Variants in LRP1B observed in about 807,000 individuals in gnomAD.
LRP1B encodes the protein LDL receptor related protein 1B.
LRP1B carries 217 observed loss-of-function variants against 556.6 expected under a neutral mutation model. That is an observed-to-expected ratio of 0.39 (90% CI 0.35 to 0.44). The LOEUF (loss-of-function observed/expected upper bound fraction) is 0.44, where lower values mean the gene tolerates loss of function less well. Among genes scored for constraint, LRP1B ranks in the 20% least tolerant of loss-of-function variants. The probability of loss-of-function intolerance (pLI) is 1.00; values close to 1 mark genes in which losing one functional copy is unlikely to be tolerated. For missense variants in LRP1B, 5,053 were observed against 5,620.8 expected, an observed-to-expected ratio of 0.90 and a Z score of 3.23; for synonymous variants, 2,047 against 1,865.8, an observed-to-expected ratio of 1.10 and a Z score of -2.50.
At chr2:142,108,534 G>C (rs1438126019) in intron 1 of LRP1B, among the ~76,000 whole-genome samples, 1 of 152,130 alleles carries the variant, frequency 6.6e-6, no homozygotes, top group African/African-American at 2.4e-5. Context: ...TCCATTTTTA[G>C]AGTCTTTGCC....
chr2:140,792,737 C>T (rs1690166996), intron 32 of LRP1B, among the ~76,000 whole-genome samples: 2 of 151,980 alleles, frequency 1.3e-5, no homozygotes, highest in South Asian at 2.1e-4. Context: ...CCAGGTATTT[C>T]AAGTGGAGAG....
chr2:141,910,717 A>C (rs1167274894), intron 1 of LRP1B, among the ~76,000 whole-genome samples: 1 of 152,078 alleles, frequency 6.6e-6, no homozygotes, highest in Non-Finnish European at 1.5e-5. Context: ...AGTGAAACAC[A>C]CCAGTTTTTC....
At chr2:141,126,544 T>C (rs964044652) in intron 7 of LRP1B, among the ~76,000 whole-genome samples, 1 of 152,190 alleles carries the variant, frequency 6.6e-6, no homozygotes, top group Admixed American at 6.5e-5. Context: ...TGGAACTTCA[T>C]TGAAGTTTTT....
chr2:141,011,031 T>TTA (rs1440377752), intron 14 of LRP1B, among the ~76,000 whole-genome samples: 5 of 146,390 alleles, frequency 3.4e-5, no homozygotes, highest in East Asian at 4.0e-4. Context: ...AATATAGTTT[T>TTA]TATATATATA....
chr2:140,679,953 T>A (rs960575236), intron 41 of LRP1B, among the ~76,000 whole-genome samples: 9 of 151,992 alleles, frequency 5.9e-5, no homozygotes, highest in Non-Finnish European at 7.4e-5. Flanking sequence ...TTATTTAATT[T>A]ACTTATTTAT....
At chr2:142,129,522 A>C (rs1312236356) in intron 1 of LRP1B, among the ~76,000 whole-genome samples, 1 of 151,508 alleles carries the variant, frequency 6.6e-6, no homozygotes, top group Non-Finnish European at 1.5e-5. Context: ...ACAATAACTA[A>C]ATCTCCCAAT....
Position 140,511,292 on chromosome 2 carries a change from C to CTTTTTTTTTTTTTTTTT in LRP1B, c.8270-1253_8270-1237dup, listed in dbSNP as rs70985101. The stretch of plus-strand genomic sequence containing the variant: ...TATCAAAATACAATCCTCTAAGGGT[C>CTTTTTTTTTTTTTTTTT]TTTTTTTTTTTTTTTTTTTTTTTTT... On this transcript the variant is annotated intron_variant, in intron 51 of 90. Transcript: ENST00000389484. Among the ~76,000 whole-genome samples the CTTTTTTTTTTTTTTTTT allele has an allele frequency of 6.8e-5, 4 of 58,458 alleles. 1 individual carries two copies. The highest frequency in any genetic ancestry group is 2.8e-4 in the African/African-American group (4 of 14,232). The allele number at this position is 58,458 out of a possible 152,430, so 38.4% of individuals were successfully genotyped here. A position where few individuals can be genotyped will look rare whatever the true frequency, so the allele number is the denominator to read the frequency against.
At chr2:141,757,240 A>G (rs934794989) in intron 2 of LRP1B, among the ~76,000 whole-genome samples, 7 of 152,180 alleles carry the variant, frequency 4.6e-5, no homozygotes, top group Non-Finnish European at 7.3e-5. Context: ...TCGATTTCAA[A>G]TAAAAATCAC....
intron 55 of LRP1B, among the ~76,000 whole-genome samples, chr2:140,496,611 C>T (rs573218459): frequency 2.0e-5 from 3 of 152,114 alleles, no homozygotes; most frequent in African/African-American, 7.2e-5. Flanking sequence ...AAACATTATG[C>T]CACGTGTATT....
intron 32 of LRP1B, among the ~76,000 whole-genome samples, chr2:140,803,396 C>T (rs1573739604): frequency 2.0e-5 from 3 of 150,798 alleles, no homozygotes; most frequent in Admixed American, 6.6e-5. Context: ...CCTACCTCAG[C>T]GTCCTGAGTA....
At chr2:142,046,215 C>A (rs532985229) in intron 1 of LRP1B, among the ~76,000 whole-genome samples, 127 of 151,872 alleles carry the variant, frequency 8.4e-4, no homozygotes, top group South Asian at 2.7e-3. Flanking sequence ...GGTTGGGGGG[C>A]AGTTTCTATA....
At chr2:141,797,146 C>CATATATATATATATATATAT (rs6146945) in intron 2 of LRP1B, among the ~76,000 whole-genome samples, 2 of 79,092 alleles carry the variant, frequency 2.5e-5, no homozygotes, top group Non-Finnish European at 4.9e-5. Context: ...TGAAAATAAT[C>CATATATATATATATATATAT]ATATATATAT....
At chr2:141,833,990 C>A (rs1226140555) in intron 1 of LRP1B, among the ~76,000 whole-genome samples, 4 of 147,322 alleles carry the variant, frequency 2.7e-5, no homozygotes, top group Admixed American at 6.7e-5. Context: ...AAGGGCATTG[C>A]AGAAAGAAGA....
At chr2:140,677,332 C>T (rs16844477) in intron 41 of LRP1B, among the ~76,000 whole-genome samples, 7,065 of 152,042 alleles carry the variant, frequency 0.046, 191 homozygotes, top group African/African-American at 0.068. Context: ...ACCTTGGTGG[C>T]AATAGGAAAG....
At chr2:141,262,162 T>C (rs919674391) in intron 3 of LRP1B, among the ~76,000 whole-genome samples, 6 of 152,166 alleles carry the variant, frequency 3.9e-5, no homozygotes, top group Admixed American at 3.3e-4. Flanking sequence ...TTTTTCATTG[T>C]GCTTATTAGC....
chr2:141,929,392 T>C (rs142904351), intron 1 of LRP1B, among the ~76,000 whole-genome samples: 335 of 152,220 alleles, frequency 2.2e-3, no homozygotes, highest in African/African-American at 7.7e-3. Context: ...GAATCATCAA[T>C]TTGATTATTT....
intron 35 of LRP1B, among the ~76,000 whole-genome samples, chr2:140,733,228 C>T (rs1027620308): frequency 4.6e-5 from 7 of 152,066 alleles, no homozygotes; most frequent in Non-Finnish European, 8.8e-5. Context: ...ATGTATAGTA[C>T]GAATAACCCT....
intron 3 of LRP1B, among the ~76,000 whole-genome samples, chr2:141,414,579 T>TA (rs1181335008): frequency 1.3e-5 from 2 of 152,220 alleles, no homozygotes; most frequent in African/African-American, 4.8e-5. Flanking sequence ...AGTGCAGGCA[T>TA]GATATCAAAG....
At chr2:140,443,772 AAAG>A (rs1378864282) in intron 65 of LRP1B, among the ~76,000 whole-genome samples, 2 of 152,172 alleles carry the variant, frequency 1.3e-5, no homozygotes, top group Admixed American at 6.6e-5. Context: ...TATGAGATGA[AAAG>A]AAACAAAATA....
Sources: allele counts gnomAD v4.1 joint callset (sites outside exome capture counted in the v4.1 genomes callset), GRCh38; gene constraint gnomAD v4.1.1; transcripts MANE v1.5; gene names NCBI Gene and HGNC (gene_info 2026-07-23, HGNC 2026-07-21).